Variants in LARGE1 observed in about 807,000 individuals in gnomAD.
The protein encoded by LARGE1 is LARGE xylosyl- and glucuronyltransferase 1.
In LARGE1, 43 loss-of-function variants were observed where a neutral mutation model predicts 87.6. That is an observed-to-expected ratio of 0.49 (90% confidence interval 0.38 to 0.63). The LOEUF (loss-of-function observed/expected upper bound fraction) is 0.63, where lower values mean the gene tolerates loss of function less well. LARGE1 is among the 30% of genes least tolerant of loss of function. The pLI, the probability that LARGE1 is intolerant of heterozygous loss-of-function variation, is 0.00. For missense variants in LARGE1, 802 were observed against 1,000.2 expected (o/e 0.80, Z 2.67); for synonymous variants, 434 against 394.6 (o/e 1.10, Z -1.18).
At chr22:33,076,347 A>G in the LARGE1 span, among the ~76,000 whole-genome samples, 1 of 152,174 alleles carries the variant, frequency 6.6e-6, no homozygotes, top group East Asian at 1.9e-4. Context: ...GATGGGATTT[A>G]TTATAAGTAG....
chr22:33,269,177 G>A (rs1928114474), downstream of LARGE1, among the ~76,000 whole-genome samples: 1 of 152,210 alleles, frequency 6.6e-6, no homozygotes, highest in Non-Finnish European at 1.5e-5. Flanking sequence ...AAACTATGAA[G>A]AGTATGTGGC....
At chr22:33,346,882 C>T (rs1427651182) in intron 9 of LARGE1, among the ~76,000 whole-genome samples, 1 of 152,128 alleles carries the variant, frequency 6.6e-6, no homozygotes, top group Non-Finnish European at 1.5e-5. Flanking sequence ...CCTAGGAATG[C>T]CCAAAAAGTT....
Position 33,864,818 on chromosome 22 carries a change from A to G in LARGE1, c.-83+55177T>C, listed in dbSNP as rs1262903046. 2.6e-5 allele frequency among the ~76,000 whole-genome samples: 4 copies of G among 152,196 alleles called. No individual in the cohort carries two copies. In the East Asian group the frequency reaches 7.7e-4, roughly 29 times the overall value. On this transcript the variant is annotated intron_variant, in intron 1 of 14. Coordinates refer to ENST00000397394, the MANE Select transcript of LARGE1 (RefSeq NM_133642.5). ...TACTTTCAGAATCTACAGCACTTTTAGCCCACAGTCCCTGGGTTTCACAAT... is the reference window on the plus strand; with the variant it reads ...TACTTTCAGAATCTACAGCACTTTTGGCCCACAGTCCCTGGGTTTCACAAT...
chr22:33,783,070 CTAAG>C (rs899716180), intron 1 of LARGE1, among the ~76,000 whole-genome samples: 1 of 151,944 alleles, frequency 6.6e-6, no homozygotes, highest in African/African-American at 2.4e-5. Context: ...GACGAAAAGA[CTAAG>C]TATCCAAAAG....
chr22:33,264,129 A>G (rs1005048479), intron 11 of LARGE1, among the ~76,000 whole-genome samples: 1 of 152,212 alleles, frequency 6.6e-6, no homozygotes, highest in Non-Finnish European at 1.5e-5. Flanking sequence ...GTGTTTACAA[A>G]CACAGAAGAT....
At chr22:33,080,632 A>C in the LARGE1 span, among the ~76,000 whole-genome samples, 1 of 152,232 alleles carries the variant, frequency 6.6e-6, no homozygotes, top group Non-Finnish European at 1.5e-5. Context: ...ATACTGGTGA[A>C]CAGCTCTAAT....
chr22:33,412,179 G>C (rs2147455918), intron 7 of LARGE1, among the ~76,000 whole-genome samples: 1 of 152,268 alleles, frequency 6.6e-6, no homozygotes, highest in Middle Eastern at 3.4e-3. Flanking sequence ...AGCTACTCGA[G>C]AGGCTGAGGC....
intron 1 of LARGE1, among the ~76,000 whole-genome samples, chr22:33,872,345 G>A (rs192600758): frequency 6.9e-5 from 10 of 145,196 alleles, no homozygotes; most frequent in East Asian, 4.0e-4. Context: ...GAGCAGACAC[G>A]CAGTAAATGC....
chr22:33,311,450 A>T (rs16992108), intron 11 of LARGE1, among the ~76,000 whole-genome samples: 3,773 of 152,334 alleles, frequency 0.025, 48 homozygotes, highest in African/African-American at 0.047. Flanking sequence ...CAGATAGCAA[A>T]TTCTATAGCC....
chr22:33,374,418 G>A (rs2064926832), intron 9 of LARGE1, among the ~76,000 whole-genome samples: 1 of 152,172 alleles, frequency 6.6e-6, no homozygotes, highest in African/African-American at 2.4e-5. Context: ...TTAGGAAAAT[G>A]GAGTTTTGAA....
At chr22:33,420,398 T>A (rs536059265) in intron 7 of LARGE1, among the ~76,000 whole-genome samples, 1 of 152,008 alleles carries the variant, frequency 6.6e-6, no homozygotes, top group African/African-American at 2.4e-5. Flanking sequence ...CACAGGGAAA[T>A]TAAAAGAAAA....
chr22:33,915,012 AACACACACAC>A (rs71320998), intron 1 of LARGE1, among the ~76,000 whole-genome samples: 6 of 139,212 alleles, frequency 4.3e-5, no homozygotes, highest in Admixed American at 1.5e-4. Context: ...TACAAACACA[AACACACACAC>A]ACACACACAC....
intron 5 of LARGE1, among the ~76,000 whole-genome samples, chr22:33,580,576 T>C (rs2078488436): frequency 6.6e-6 from 1 of 152,148 alleles, no homozygotes; most frequent in Admixed American, 6.5e-5. Context: ...CGCTAGTCCT[T>C]TACCACATGG....
rs544252251 is a variant in LARGE1 at position 33,512,845 on chromosome 22, G to A, written c.787+52003C>T. Among the ~76,000 whole-genome samples, 3 of 152,144 alleles carry A rather than the reference G, an allele frequency of 2.0e-5. No individual in the cohort carries two copies. The East Asian group carries it at 5.8e-4, about 29-fold the overall frequency. On this transcript the variant is annotated intron_variant, in intron 6 of 14. Transcript: ENST00000397394. ...AATAATGGTGATCTTCAGGTAGTAG[G>A]AGATGTATGATTCTTCTCTTTTCCC...
chr22:33,140,934 G>GA, the LARGE1 span, among the ~76,000 whole-genome samples: 1 of 151,802 alleles, frequency 6.6e-6, no homozygotes, highest in East Asian at 1.9e-4. Flanking sequence ...AGATTTTCTT[G>GA]AAAAAAATAT....
At chr22:33,515,696 C>CT in intron 6 of LARGE1, among the ~76,000 whole-genome samples, 1 of 152,152 alleles carries the variant, frequency 6.6e-6, no homozygotes, top group Non-Finnish European at 1.5e-5. Flanking sequence ...AGTCCCCGGA[C>CT]TTAATCTGCC....
chr22:33,844,789 C>T (rs936865862), intron 1 of LARGE1, among the ~76,000 whole-genome samples: 1 of 151,244 alleles, frequency 6.6e-6, no homozygotes, highest in African/African-American at 2.4e-5. Flanking sequence ...GGCACAATCT[C>T]GGCTCACTGC....
intron 5 of LARGE1, among the ~76,000 whole-genome samples, chr22:33,601,497 C>T (rs2079112185): frequency 6.6e-6 from 1 of 152,134 alleles, no homozygotes; most frequent in African/African-American, 2.4e-5. Context: ...TAAACTAAAA[C>T]ATAGACAGAC....
intron 1 of LARGE1, among the ~76,000 whole-genome samples, chr22:33,851,094 T>C (rs2063570733): frequency 6.6e-6 from 1 of 152,224 alleles, no homozygotes; most frequent in Non-Finnish European, 1.5e-5. Flanking sequence ...AGCCAGGCCT[T>C]ACACTTTTCC....
Sources: gnomAD v4.1 joint callset for allele counts (sites outside exome capture counted in the v4.1 genomes callset) on GRCh38, gnomAD v4.1.1 for gene constraint, MANE v1.5 for transcripts, NCBI Gene and HGNC (gene_info 2026-07-23, HGNC 2026-07-21) for gene names.